Variants in STK33 observed in about 807,000 individuals in gnomAD.
STK33 encodes the protein serine/threonine-protein kinase 33.
A neutral mutation model predicts 58.0 loss-of-function variants in STK33; 52 were observed. The observed-to-expected ratio is 0.90, with a 90% CI of 0.72 to 1.13. STK33 has a LOEUF of 1.13. Among genes scored for constraint, STK33 ranks in the 50% most tolerant of loss-of-function variants. The probability of loss-of-function intolerance (pLI) is 0.00; values close to 1 mark genes in which losing one functional copy is unlikely to be tolerated. For missense variants in STK33, 630 were observed against 604.2 expected, an observed-to-expected ratio of 1.04 and a Z score of -0.45; for synonymous variants, 215 against 200.1, an observed-to-expected ratio of 1.07 and a Z score of -0.63.
intron 1 of STK33, among the ~76,000 whole-genome samples, chr11:8,566,148 G>C (rs1051127149): frequency 5.3e-5 from 8 of 152,154 alleles, no homozygotes; most frequent in Non-Finnish European, 1.2e-4. Flanking sequence ...TCCAAGTTAA[G>C]ACTCTAGTTA....
chr11:8,554,307 T>A (rs1956573029), intron 1 of STK33, among the ~76,000 whole-genome samples: 1 of 150,624 alleles, frequency 6.6e-6, no homozygotes, highest in Non-Finnish European at 1.5e-5. Context: ...TAGTCCCAGC[T>A]ACTGGGGAGG....
intron 9 of STK33, among the ~76,000 whole-genome samples, chr11:8,455,126 G>A (rs1426003874): frequency 6.6e-6 from 1 of 152,100 alleles, no homozygotes; most frequent in Non-Finnish European, 1.5e-5. Context: ...CCATGCTTAG[G>A]TATTCCCAGG....
the STK33 span, among the ~76,000 whole-genome samples, chr11:8,376,858 A>C: frequency 6.6e-6 from 1 of 152,082 alleles, no homozygotes; most frequent in African/African-American, 2.4e-5. Context: ...ATTTCTTTTA[A>C]GTGAGATCAC....
intron 1 of STK33, among the ~76,000 whole-genome samples, chr11:8,569,757 G>C (rs1957677059): frequency 6.6e-6 from 1 of 152,046 alleles, no homozygotes; most frequent in Non-Finnish European, 1.5e-5. Flanking sequence ...AGGAATTCAA[G>C]ACTACCCTAG....
the STK33 span, among the ~76,000 whole-genome samples, chr11:8,355,302 T>C: frequency 5.3e-5 from 8 of 152,258 alleles, no homozygotes; most frequent in Non-Finnish European, 1.0e-4. Flanking sequence ...CCACAGAGGT[T>C]AATACGGCAC....
intron 14 of STK33, among the ~76,000 whole-genome samples, chr11:8,422,805 A>G (rs866633316): frequency 2.6e-5 from 4 of 151,522 alleles, no homozygotes; most frequent in South Asian, 2.1e-4. Flanking sequence ...TCCCTTTTCC[A>G]TATGTAAGAT....
rs758979117 is a variant in STK33 at position 8,392,670 on chromosome 11, T to C, written c.1385A>G (p.Asp462Gly). 12 of 1,614,118 alleles carry C rather than the reference T, an allele frequency of 7.4e-6. No individual in the cohort carries two copies. The Admixed American group carries it at 2.0e-4, about 27-fold the overall frequency. ...ACTTGAACTGCACATATCAAAGTTG[T>C]CCTTACTGGTTGCAGGAAATTGCTT... Reference protein sequence around the residue: ...YEKQFPATSKDNFDMCSSSFT... With the variant: ...YEKQFPATSKGNFDMCSSSFT... The change falls in exon 16 of 16, where the codon GAC (aspartate) becomes GGC (glycine). Residue 462 changes from aspartate (D) to glycine (G), a missense_variant. By Grantham distance (94) the Asp-to-Gly change is moderately conservative (BLOSUM62 -1). Coordinates refer to ENST00000687296, the MANE Select transcript of STK33 (RefSeq NM_001352389.2).
At chr11:8,520,617 C>T (rs1031103038) in intron 1 of STK33, among the ~76,000 whole-genome samples, 6 of 152,176 alleles carry the variant, frequency 3.9e-5, no homozygotes, top group African/African-American at 1.4e-4. Flanking sequence ...CCCAAAATCT[C>T]CTTAAGCTGA....
chr11:8,540,832 G>A (rs1955450814), intron 1 of STK33, among the ~76,000 whole-genome samples: 3 of 151,954 alleles, frequency 2.0e-5, no homozygotes, highest in Non-Finnish European at 2.9e-5. Context: ...CACAACATGA[G>A]GACTAAAGTT....
At chr11:8,501,251 A>G (rs1243495911) in intron 1 of STK33, among the ~76,000 whole-genome samples, 2 of 152,180 alleles carry the variant, frequency 1.3e-5, no homozygotes, top group Non-Finnish European at 2.9e-5. Flanking sequence ...AAAGTGAAAA[A>G]TAACCCACAG....
the STK33 span, among the ~76,000 whole-genome samples, chr11:8,363,116 C>T: frequency 6.6e-6 from 1 of 151,972 alleles, no homozygotes; most frequent in Non-Finnish European, 1.5e-5. Context: ...AAGATTAGCG[C>T]TGAGAAGTCC....
At chr11:8,335,945 T>C in the STK33 span, among the ~76,000 whole-genome samples, 9 of 152,160 alleles carry the variant, frequency 5.9e-5, no homozygotes, top group Admixed American at 3.3e-4. Flanking sequence ...GAGACCAGCA[T>C]GCTGGGTCTA....
chr11:8,539,172 T>C (rs998146946), intron 1 of STK33, among the ~76,000 whole-genome samples: 2 of 152,048 alleles, frequency 1.3e-5, no homozygotes, highest in Non-Finnish European at 2.9e-5. Context: ...AATAATGACT[T>C]TCTGAAAAAA....
chr11:8,399,414 A>C (rs927710250), intron 15 of STK33, among the ~76,000 whole-genome samples: 1 of 152,192 alleles, frequency 6.6e-6, no homozygotes, highest in Non-Finnish European at 1.5e-5. Flanking sequence ...GTTCTTTGAA[A>C]CCAATGAGAA....
the STK33 span, among the ~76,000 whole-genome samples, chr11:8,386,000 T>TC: frequency 7.1e-6 from 1 of 141,250 alleles, no homozygotes; most frequent in East Asian, 2.2e-4. Flanking sequence ...GGTCTCGATC[T>TC]CTGACCTCGT....
chr11:8,492,297 C>T lies in STK33; in HGVS notation c.-465-11683G>A, dbSNP rs537767478. Among the ~76,000 whole-genome samples the T allele has an allele frequency of 1.7e-3, 266 of 152,154 alleles. 1 individual carries two copies. Among genetic ancestry groups the T allele is most frequent in the African/African-American group, 4.5e-3 (186 of 41,520 alleles). ...AAAAAAAAAAGCAGGGGTTGCAATC[C>T]TAGTCTCTGATAAAACAGACTTTAA... On this transcript the variant is annotated intron_variant, in intron 1 of 15. Transcript: ENST00000687296.
At chr11:8,385,320 T>C in the STK33 span, among the ~76,000 whole-genome samples, 1 of 152,216 alleles carries the variant, frequency 6.6e-6, no homozygotes, top group African/African-American at 2.4e-5. Flanking sequence ...GGCTTCCCAG[T>C]GCATTTAGAA....
intron 15 of STK33, 109 bp from the exon 16 acceptor site, chr11:8,392,819 T>A: frequency 1.9e-6 from 2 of 1,026,986 alleles, no homozygotes; most frequent in Non-Finnish European, 2.9e-6. Flanking sequence ...GAGCCCTCTC[T>A]AGATATAGGG....
At chr11:8,379,207 G>C in the STK33 span, among the ~76,000 whole-genome samples, 6 of 152,022 alleles carry the variant, frequency 3.9e-5, no homozygotes, top group African/African-American at 1.4e-4. Flanking sequence ...AGATAACCTA[G>C]GAAAAACTCT....
Sources: allele counts gnomAD v4.1 joint callset (sites outside exome capture counted in the v4.1 genomes callset), GRCh38; gene constraint gnomAD v4.1.1; transcripts MANE v1.5; gene names NCBI Gene and HGNC (gene_info 2026-07-23, HGNC 2026-07-21).